The following SEC24B variants were observed in gnomAD, a reference collection of about 807,000 sequenced individuals.
SEC24B encodes the protein SEC24 homolog B, COPII component.
SEC24B carries 45 observed loss-of-function variants against 142.8 expected under a neutral mutation model. The observed-to-expected ratio is 0.32, with a 90% CI of 0.25 to 0.40. The LOEUF is 0.40. Among genes scored for constraint, SEC24B ranks in the 10% least tolerant of loss-of-function variants. The pLI, the probability that SEC24B is intolerant of heterozygous loss-of-function variation, is 1.00. For missense variants in SEC24B, 1,409 were observed against 1,526.8 expected, an observed-to-expected ratio of 0.92 and a Z score of 1.29; for synonymous variants, 574 against 568.2, an observed-to-expected ratio of 1.01 and a Z score of -0.15.
At chr4:109,534,883 G>A (rs1261478926) in intron 22 of SEC24B, among the ~76,000 whole-genome samples, 1 of 152,164 alleles carries the variant, frequency 6.6e-6, no homozygotes, top group Non-Finnish European at 1.5e-5. Flanking sequence ...TCCCTGTGTA[G>A]CCCAGGCTGG....
intron 1 of SEC24B, among the ~76,000 whole-genome samples, chr4:109,440,555 C>A (rs1370507592): frequency 6.6e-6 from 1 of 152,060 alleles, no homozygotes; most frequent in Non-Finnish European, 1.5e-5. Context: ...TTGATATAGC[C>A]CAAATTTTTG....
At chr4:109,443,374 A>T (rs1342668212) in intron 1 of SEC24B, among the ~76,000 whole-genome samples, 1 of 152,052 alleles carries the variant, frequency 6.6e-6, no homozygotes, top group African/African-American at 2.4e-5. Flanking sequence ...CCTGAACCTT[A>T]TTTTATGCAA....
At chr4:109,452,484 A>G (rs1041599508) in intron 1 of SEC24B, among the ~76,000 whole-genome samples, 2 of 152,244 alleles carry the variant, frequency 1.3e-5, no homozygotes, top group Non-Finnish European at 1.5e-5. Flanking sequence ...ACTTAAGTTT[A>G]TAACAAATTG....
intron 3 of SEC24B, among the ~76,000 whole-genome samples, chr4:109,477,538 C>T (rs977641279): frequency 6.6e-6 from 1 of 152,014 alleles, no homozygotes; most frequent in Non-Finnish European, 1.5e-5. Flanking sequence ...GTTGCCCAGG[C>T]TGGTCTTGAA....
At chr4:109,448,506 C>CT (rs971418276) in intron 1 of SEC24B, among the ~76,000 whole-genome samples, 124 of 147,156 alleles carry the variant, frequency 8.4e-4, no homozygotes, top group East Asian at 8.3e-3. Context: ...ACTTATGAAA[C>CT]TTTTTTTTTT....
intron 11 of SEC24B, among the ~76,000 whole-genome samples, chr4:109,519,934 C>CA (rs1295609452): frequency 2.0e-5 from 3 of 152,170 alleles, no homozygotes; most frequent in Non-Finnish European, 4.4e-5. Context: ...GAAAGCTTGA[C>CA]AGGCAGTGAA....
chr4:109,510,767 T>C (rs184673188), intron 8 of SEC24B, among the ~76,000 whole-genome samples: 34 of 152,324 alleles, frequency 2.2e-4, no homozygotes, highest in Admixed American at 2.0e-3. Context: ...CAGGGCTGTT[T>C]TATTTGTACT....
rs576249964 is a variant in SEC24B, at chr4:109,490,305, G to A, written c.1166-1022G>A. 9.9e-5 allele frequency among the ~76,000 whole-genome samples: 15 copies of A among 151,916 alleles called. 1 individual carries two copies. In the East Asian group the frequency reaches 2.9e-3, roughly 29 times the overall value. On this transcript the variant is annotated intron_variant, in intron 4 of 23. Transcript: ENST00000265175. The stretch of plus-strand genomic sequence containing the variant: ...AACATCAGCTATTATGCCCTGAGTC[G>A]GTATACCTGATTCTCATGTTCATCT...
intron 1 of SEC24B, among the ~76,000 whole-genome samples, chr4:109,439,170 G>A (rs1042551261): frequency 1.3e-5 from 2 of 152,188 alleles, no homozygotes; most frequent in Non-Finnish European, 1.5e-5. Flanking sequence ...ATGCAAGAAA[G>A]ATGAGATAGT....
At position 109,506,447 on chromosome 4, in the gene SEC24B, G is replaced by A. The variant is rs756781873; in HGVS notation, c.1608G>A (p.Met536Ile). 37 of 1,609,858 alleles carry A rather than the reference G, an allele frequency of 2.3e-5. No individual in the cohort carries two copies. The highest frequency in any genetic ancestry group is 3.3e-4 in the Middle Eastern group (2 of 6,024). The change falls in exon 7 of 24, where the codon ATG (methionine) becomes ATA (isoleucine). Residue 536 changes from methionine to isoleucine, a missense_variant. By Grantham distance (10) the Met-to-Ile change is conservative (BLOSUM62 1). Transcript: ENST00000265175. ...CTCAGGAGAGGAATATTTTACCTAT[G>A]ACTCCTGTTTGGGCTCCTGTACCTA... ...NLTQERNILP[M>I]TPVWAPVPNL...
At chr4:109,536,941 T>C (rs1725615270) in intron 22 of SEC24B, among the ~76,000 whole-genome samples, 1 of 151,070 alleles carries the variant, frequency 6.6e-6, no homozygotes, top group South Asian at 2.1e-4. Context: ...TTGGTAACAA[T>C]AAATAAATAA....
chr4:109,490,115 A>G (rs1734858495), intron 4 of SEC24B, among the ~76,000 whole-genome samples: 1 of 152,130 alleles, frequency 6.6e-6, no homozygotes, highest in Non-Finnish European at 1.5e-5. Flanking sequence ...CATTTAAAAA[A>G]TCGTTAGCAT....
At chr4:109,519,380 C>T (rs1400132377) in intron 11 of SEC24B, among the ~76,000 whole-genome samples, 1 of 152,128 alleles carries the variant, frequency 6.6e-6, no homozygotes, top group Middle Eastern at 3.2e-3. Context: ...TATTTGATTA[C>T]AGCAGAAAAC....
chr4:109,481,865 A>G (rs1042542274), intron 4 of SEC24B, 84 bp downstream of exon 4: 3 of 943,760 alleles, frequency 3.2e-6, no homozygotes, highest in Non-Finnish European at 4.8e-6. Context: ...AGCCTTTTAA[A>G]AAAGAGTCTT....
chr4:109,438,711 C>G (rs923143781), intron 1 of SEC24B, among the ~76,000 whole-genome samples: 3 of 152,200 alleles, frequency 2.0e-5, no homozygotes, highest in African/African-American at 7.2e-5. Flanking sequence ...TACTTGTTTT[C>G]TAGGTGTAAC....
At chr4:109,453,847 G>A (rs1442393383) in intron 1 of SEC24B, among the ~76,000 whole-genome samples, 1 of 152,120 alleles carries the variant, frequency 6.6e-6, no homozygotes, top group East Asian at 1.9e-4. Flanking sequence ...AGCAGGTCCT[G>A]CCGTTCGGTA....
At position 109,491,222 on chromosome 4, in the gene SEC24B, G is replaced by T. The variant is rs773288254; in HGVS notation, c.1166-105G>T. 6.8e-4 allele frequency: 533 copies of T among 780,356 alleles called. 2 individuals carry two copies. Among genetic ancestry groups the T allele is most frequent in the Non-Finnish European group, 2.2e-4 (103 of 470,184 alleles). 48.3% of individuals were successfully genotyped at this position (780,356 alleles called of 1,614,324 possible). On this transcript the variant is annotated intron_variant, in intron 4 of 23. Coordinates refer to ENST00000265175, the MANE Select transcript of SEC24B (RefSeq NM_006323.5). ...TCATTTTACTTTTTTACTAGAATCA[G>T]GAATTTTCCTAGTTCCGCAAAAACA... is the stretch of plus-strand genomic sequence containing the variant.
intron 11 of SEC24B, among the ~76,000 whole-genome samples, chr4:109,519,209 C>T (rs1310086993): frequency 2.6e-5 from 4 of 152,024 alleles, no homozygotes; most frequent in Admixed American, 6.6e-5. Context: ...GCTCCTATTC[C>T]GTCACTGTGC....
chr4:109,509,898 A>G (rs1737139816), intron 7 of SEC24B, 111 bp from the exon 8 acceptor site: 1 of 590,782 alleles, frequency 1.7e-6, no homozygotes. Context: ...TTACAGTAAC[A>G]TGCCCAAATG....
Sources: gnomAD v4.1 joint callset for allele counts (sites outside exome capture counted in the v4.1 genomes callset) on GRCh38, gnomAD v4.1.1 for gene constraint, MANE v1.5 for transcripts, NCBI Gene and HGNC (gene_info 2026-07-23, HGNC 2026-07-21) for gene names.